ARHGAP35: variants seen among roughly 807,000 people sequenced by gnomAD.
ARHGAP35 encodes Rho GTPase activating protein 35.
In ARHGAP35, 15 loss-of-function variants were observed where a neutral mutation model predicts 111.1. The observed-to-expected ratio is 0.13, with a 90% CI of 0.09 to 0.21. ARHGAP35 has a LOEUF of 0.21. ARHGAP35 is among the 10% of genes least tolerant of loss of function. ARHGAP35 has a pLI of 1.00. For missense variants in ARHGAP35, 1,262 were observed against 1,873.0 expected, an observed-to-expected ratio of 0.67 and a Z score of 6.02; for synonymous variants, 643 against 710.3, an observed-to-expected ratio of 0.91 and a Z score of 1.51.
chr19:46,887,440 G>T (rs758413485), intron 1 of ARHGAP35, among the ~76,000 whole-genome samples: 6 of 152,096 alleles, frequency 3.9e-5, no homozygotes, highest in Non-Finnish European at 8.8e-5. Context: ...GAACATTAGG[G>T]GAAGCTGGGT....
In ARHGAP35 at chr19:46,895,401, G is replaced by A. The variant is rs555949048; in HGVS notation, c.-188-23087G>A. Among the ~76,000 whole-genome samples the A allele has an allele frequency of 1.5e-3, 226 of 152,122 alleles. 2 individuals carry two copies. Among genetic ancestry groups the A allele is most frequent in the African/African-American group, 4.5e-3 (186 of 41,530 alleles). On this transcript the variant is annotated intron_variant, in intron 1 of 6. Transcript: ENST00000672722. ...GGATAGTCTTCGATCTCCTGACCTC[G>A]TGATCCACCCGCCTCGGCCTCCCAA...
At chr19:46,887,611 C>A (rs1219138894) in intron 1 of ARHGAP35, among the ~76,000 whole-genome samples, 1 of 152,080 alleles carries the variant, frequency 6.6e-6, no homozygotes, top group African/African-American at 2.4e-5. Context: ...CTCTAAGGGC[C>A]TCTAGAAGTT....
chr19:46,997,962 C>T (rs1410640848), intron 5 of ARHGAP35, among the ~76,000 whole-genome samples: 3 of 152,006 alleles, frequency 2.0e-5, no homozygotes, highest in Admixed American at 6.6e-5. Context: ...AATTAGCCGG[C>T]GTGGTGGCGG....
chr19:46,990,974 T>C (rs1010079648), intron 5 of ARHGAP35, among the ~76,000 whole-genome samples: 1 of 152,180 alleles, frequency 6.6e-6, no homozygotes, highest in Non-Finnish European at 1.5e-5. Context: ...CTCCTGACCC[T>C]ATCTAAGCCC....
intron 2 of ARHGAP35, among the ~76,000 whole-genome samples, chr19:46,930,132 C>T (rs1201864769): frequency 6.6e-6 from 1 of 151,794 alleles, no homozygotes; most frequent in Non-Finnish European, 1.5e-5. Flanking sequence ...TTTGGGAGGC[C>T]GAGTTTGGCA....
In ARHGAP35 at chr19:46,865,225, C is replaced by T. The variant is rs566764124; in HGVS notation, c.-189+4016C>T. 1.5e-4 allele frequency among the ~76,000 whole-genome samples: 23 copies of T among 152,232 alleles called. No individual in the cohort carries two copies. In the East Asian group the frequency reaches 3.1e-3, roughly 20 times the overall value. On this transcript the variant is annotated intron_variant, in intron 1 of 6. Transcript: ENST00000672722. ...GTGGGGGGACTGGAGCAGGAGATGGCGGTAGACAACTGCTTTCAAGGTAGT... is the reference window on the plus strand; with the variant it reads ...GTGGGGGGACTGGAGCAGGAGATGGTGGTAGACAACTGCTTTCAAGGTAGT...
In ARHGAP35 at chr19:46,922,945, T is replaced by C. The variant is rs1156317054; in HGVS notation, c.3681+589T>C. Among the ~76,000 whole-genome samples the C allele has an allele frequency of 6.6e-6, 1 of 152,166 alleles. No homozygotes were observed. Among genetic ancestry groups the C allele is most frequent in the African/African-American group, 2.4e-5 (1 of 41,430 alleles). On this transcript the variant is annotated intron_variant, in intron 2 of 6. Transcript: ENST00000672722. This position sits in a 1 kb window ranked among gnomAD's most constrained non-coding sequence, Gnocchi z 4.0. ...AATTGGAATACCATCCAGTCTATTA[T>C]TTTATCTTCAAGGGAGTTGCTGCTG...
chr19:46,999,620 C>G lies in ARHGAP35; in HGVS notation c.4142+211C>G. The G allele has an allele frequency of 1.8e-6, 1 of 566,816 alleles. No homozygotes were observed. The highest frequency in any genetic ancestry group is 3.1e-6 in the Non-Finnish European group (1 of 318,376). The allele number at this position is 566,816 out of a possible 1,614,324, so 35.1% of individuals were successfully genotyped here. On this transcript the variant is annotated intron_variant, in intron 6 of 6. Transcript: ENST00000672722. This position sits in a 1 kb window ranked among gnomAD's most constrained non-coding sequence, Gnocchi z 5.4. ...CCTCAGGCCTCCCTCCTGCTCCTGT[C>G]TGAGGGCAGCCCACGTGGCCTCAAA...
chr19:46,885,995 T>C (rs1363503745), intron 1 of ARHGAP35, among the ~76,000 whole-genome samples: 3 of 152,186 alleles, frequency 2.0e-5, no homozygotes, highest in African/African-American at 7.2e-5. Flanking sequence ...TAAAGTACAA[T>C]CAAAGCCTGT....
chr19:46,863,380 C>A (rs770618121), intron 1 of ARHGAP35, among the ~76,000 whole-genome samples: 1 of 152,102 alleles, frequency 6.6e-6, no homozygotes, highest in African/African-American at 2.4e-5. Context: ...GGGAGTGTCT[C>A]CCCCATTTCC....
intron 3 of ARHGAP35, among the ~76,000 whole-genome samples, chr19:46,960,414 C>A (rs545530918): frequency 6.6e-6 from 1 of 152,242 alleles, no homozygotes; most frequent in African/African-American, 2.4e-5. Context: ...AGGTGATAGA[C>A]CCCTAGATTC....
rs529801751 is a variant in ARHGAP35 at position 46,881,883 on chromosome 19, G to GACTTGCTGCAGCTTCTCCGTCAGC, written c.-189+20684_-189+20707dup. Among the ~76,000 whole-genome samples, 263 of 152,290 alleles carry GACTTGCTGCAGCTTCTCCGTCAGC rather than the reference G, an allele frequency of 1.7e-3. 1 individual carries two copies. In the Middle Eastern group the frequency reaches 0.02, roughly 12 times the overall value. ...TCAAGGTGGGCTAGGTCTTCTAGAT[G>GACTTGCTGCAGCTTCTCCGTCAGC]ACTTGCTGCAGCTTCTCCGTCAGCA... On this transcript the variant is annotated intron_variant, in intron 1 of 6. Coordinates refer to ENST00000672722, the MANE Select transcript of ARHGAP35 (RefSeq NM_004491.5).
At chr19:46,889,288 A>G (rs1003610442) in intron 1 of ARHGAP35, among the ~76,000 whole-genome samples, 4 of 151,942 alleles carry the variant, frequency 2.6e-5, no homozygotes, top group African/African-American at 9.7e-5. Flanking sequence ...ACATGGTGAA[A>G]CCCTGTCTCT....
intron 2 of ARHGAP35, among the ~76,000 whole-genome samples, chr19:46,924,440 A>T (rs1465231375): frequency 6.6e-6 from 1 of 152,210 alleles, no homozygotes; most frequent in Non-Finnish European, 1.5e-5. Context: ...AGTGTGAGAA[A>T]GGGCAGAGTG....
At chr19:46,876,193 A>T (rs1012898147) in intron 1 of ARHGAP35, among the ~76,000 whole-genome samples, 32 of 143,232 alleles carry the variant, frequency 2.2e-4, no homozygotes, top group African/African-American at 7.4e-4. Context: ...ACCTGGCTTT[A>T]TTTTTTTTTT....
At chr19:46,927,524 CAA>C (rs919512817) in intron 2 of ARHGAP35, among the ~76,000 whole-genome samples, 43 of 152,252 alleles carry the variant, frequency 2.8e-4, no homozygotes, top group African/African-American at 1.0e-3. Context: ...TTCATGTGTT[CAA>C]AGAGTTGAAA....
intron 1 of ARHGAP35, among the ~76,000 whole-genome samples, chr19:46,894,474 G>T (rs2056043098): frequency 7.4e-6 from 1 of 135,270 alleles, no homozygotes; most frequent in Non-Finnish European, 1.5e-5. Context: ...TGGAGACGGA[G>T]TCGCTCTGTT....
At chr19:46,962,756 G>A (rs2056491988) in intron 3 of ARHGAP35, among the ~76,000 whole-genome samples, 1 of 152,166 alleles carries the variant, frequency 6.6e-6, no homozygotes. Context: ...TGGGATTACA[G>A]GCATGCACCA....
Position 46,989,958 on chromosome 19 carries a change from T to C in ARHGAP35, c.4036+283T>C, listed in dbSNP as rs2056671150. Among the ~76,000 whole-genome samples, 1 of 152,224 alleles carries C rather than the reference T, an allele frequency of 6.6e-6. No individual in the cohort carries two copies. Among genetic ancestry groups the C allele is most frequent in the Admixed American group, 6.5e-5 (1 of 15,282 alleles). On this transcript the variant is annotated intron_variant, in intron 5 of 6. Transcript: ENST00000672722. The surrounding 1 kb of genome is among the most constrained non-coding windows in gnomAD (Gnocchi z 5.3). ...TCGGTGTCAGACTTGGCTCCTTCGCTTGTGGCCGACTTAACCTTCCCTGCC... is the reference window on the plus strand; with the variant it reads ...TCGGTGTCAGACTTGGCTCCTTCGCCTGTGGCCGACTTAACCTTCCCTGCC...
Sources: allele counts gnomAD v4.1 joint callset (sites outside exome capture counted in the v4.1 genomes callset), GRCh38; gene constraint gnomAD v4.1.1; non-coding constraint Gnocchi (gnomAD v3.1); transcripts MANE v1.5; gene names NCBI Gene and HGNC (gene_info 2026-07-23, HGNC 2026-07-21).